ITGAE: variants seen among roughly 807,000 people sequenced by gnomAD.
ITGAE encodes integrin subunit alpha E.
ITGAE carries 99 observed loss-of-function variants against 136.5 expected under a neutral mutation model. That is an observed-to-expected ratio of 0.73 (90% CI 0.62 to 0.86). The LOEUF (loss-of-function observed/expected upper bound fraction) is 0.86, where lower values mean the gene tolerates loss of function less well. Among genes scored for constraint, ITGAE ranks in the 40% least tolerant of loss-of-function variants. ITGAE has a pLI of 0.00. For missense variants in ITGAE, 1,447 were observed against 1,515.3 expected (o/e 0.95, Z 0.75); for synonymous variants, 613 against 591.8 (o/e 1.04, Z -0.52).
At chr17:3,735,766 C>T (rs989045786) in intron 20 of ITGAE, among the ~76,000 whole-genome samples, 5 of 152,222 alleles carry the variant, frequency 3.3e-5, no homozygotes, top group African/African-American at 1.2e-4. Context: ...TTATTTAGTG[C>T]TTACCATGTG....
intron 1 of ITGAE, chr17:3,784,454 G>A: frequency 3.4e-5 from 6 of 177,464 alleles, no homozygotes; most frequent in Non-Finnish European, 7.1e-5. Context: ...GAGTGCAGTG[G>A]TGCAATCTTG....
intron 1 of ITGAE, among the ~76,000 whole-genome samples, chr17:3,779,611 G>A (rs755154199): frequency 2.0e-5 from 3 of 152,144 alleles, no homozygotes; most frequent in Admixed American, 1.3e-4. Context: ...TTACAGGTGT[G>A]AGCCACCACA....
At chr17:3,749,378 G>A (rs1385571601) in intron 16 of ITGAE, among the ~76,000 whole-genome samples, 1 of 151,824 alleles carries the variant, frequency 6.6e-6, no homozygotes, top group Non-Finnish European at 1.5e-5. Context: ...TCAGCCTCCC[G>A]AGTCGCTGGG....
At position 3,745,295 on chromosome 17, in the gene ITGAE, C is replaced by T. The variant is rs114247768; in HGVS notation, c.2319+469G>A. ...GAGTTATTACCAAGAAAAACGTCAG[C>T]AATGACAGCATCTCCATCTTCCGTG... is the stretch of plus-strand genomic sequence containing the variant. On this transcript the variant is annotated intron_variant, in intron 18 of 30. Coordinates refer to ENST00000263087, the MANE Select transcript of ITGAE (RefSeq NM_002208.5). Among the ~76,000 whole-genome samples, 802 of 152,248 alleles carry T rather than the reference C, an allele frequency of 5.3e-3. 7 individuals are homozygous for T. Among genetic ancestry groups the T allele is most frequent in the African/African-American group, 0.018 (751 of 41,552 alleles).
intron 1 of ITGAE, among the ~76,000 whole-genome samples, chr17:3,779,241 AAAG>A (rs1567552969): frequency 1.3e-5 from 2 of 152,220 alleles, no homozygotes; most frequent in African/African-American, 2.4e-5. Context: ...ATATTACCTT[AAAG>A]AAGAAGCACA....
chr17:3,751,421 G>T (rs1024558881), intron 15 of ITGAE, among the ~76,000 whole-genome samples: 2 of 151,912 alleles, frequency 1.3e-5, no homozygotes, highest in African/African-American at 4.8e-5. Context: ...ACCTGAAGGG[G>T]CCGAGGTGAA....
chr17:3,801,034 C>A, intron 1 of ITGAE, 77 bp downstream of exon 1: 2 of 1,517,342 alleles, frequency 1.3e-6, no homozygotes, highest in South Asian at 2.2e-5. Flanking sequence ...GACAGACAGT[C>A]AAGGCTGTAG....
chr17:3,718,009 TAA>T (rs2050975116), intron 29 of ITGAE: 1 of 152,250 alleles, frequency 6.6e-6, no homozygotes, highest in Non-Finnish European at 1.5e-5. Context: ...TATCTTCTTC[TAA>T]ACCCACAGAT....
At position 3,716,702 on chromosome 17, in the gene ITGAE, C is replaced by A. The variant is rs1394113022; in HGVS notation, c.3430G>T (p.Val1144Phe). Residue 1144 changes from valine (V) to phenylalanine (F), a missense_variant, in exon 30 of 31, where the codon GTC becomes TTC. Transcript: ENST00000263087. ...GTAGAACTGACCTTGAACAGGATGA[C>A]CAGAATCACGATCAACACCAGAAGT... ...GGLLVLIVIL[V>F]ILFKCGFFKR... is the part of the protein sequence containing the mutation. 1.3e-6 allele frequency: 2 copies of A among 1,595,884 alleles called. No homozygotes were observed. The highest frequency in any genetic ancestry group is 1.1e-5 in the South Asian group (1 of 90,704).
At position 3,720,342 on chromosome 17, in the gene ITGAE, A is replaced by G; in HGVS notation, c.3298T>C (p.Tyr1100His). 2 of 1,591,266 alleles carry G rather than the reference A, an allele frequency of 1.3e-6. No homozygotes were observed. The highest frequency in any genetic ancestry group is 4.5e-5 in the East Asian group (2 of 44,792). Reference sequence around the variant, plus strand: ...TGGTTCTCTGCATTCAGTCCCTCATATAGAGATTTGTTGAAAGATATTTCA... The same window carrying G: ...TGGTTCTCTGCATTCAGTCCCTCATGTAGAGATTTGTTGAAAGATATTTCA... ...LGEISFNKSL[Y>H]EGLNAENHRT... is the part of the protein sequence containing the mutation. The change falls in exon 29 of 31, where the codon TAT becomes CAT. Residue 1100 changes from tyrosine to histidine, a missense_variant. Around this residue, in one of 3 missense-constraint regions of ITGAE, gnomAD observed 1,031 missense variants for 1,011.4 expected, o/e 1.02. Transcript: ENST00000263087.
chr17:3,780,411 C>T (rs1354151449), intron 1 of ITGAE, among the ~76,000 whole-genome samples: 1 of 152,096 alleles, frequency 6.6e-6, no homozygotes, highest in East Asian at 1.9e-4. Flanking sequence ...GATCCGCCCA[C>T]CTCGGCCTCC....
intron 20 of ITGAE, among the ~76,000 whole-genome samples, chr17:3,736,835 C>T (rs2051468631): frequency 6.6e-6 from 1 of 152,010 alleles, no homozygotes; most frequent in Non-Finnish European, 1.5e-5. Context: ...GCCACCACGC[C>T]CGGCCTAGGA....
rs36098243 is a variant in ITGAE at position 3,771,096 on chromosome 17, TA to T, written c.155+6443del. Among the ~76,000 whole-genome samples the T allele has an allele frequency of 7.0e-3, 1,007 of 144,292 alleles. 18 individuals carry two copies. The highest frequency in any genetic ancestry group is 0.047 in the Admixed American group (678 of 14,434). 94.7% of individuals were successfully genotyped at this position (144,292 alleles called of 152,430 possible). On this transcript the variant is annotated intron_variant, in intron 2 of 30. Transcript: ENST00000263087. ...TTCTTTGGGATCAACTCTGAGGGAT[TA>T]AAAAAAAAAAAGAACATTCATCCAT... is the stretch of plus-strand genomic sequence containing the variant.
At chr17:3,770,860 C>G (rs1318413206) in intron 2 of ITGAE, among the ~76,000 whole-genome samples, 1 of 152,116 alleles carries the variant, frequency 6.6e-6, no homozygotes, top group Non-Finnish European at 1.5e-5. Flanking sequence ...GAGAGAGGGG[C>G]TGTGAATGTC....
In ITGAE at chr17:3,729,541, C is replaced by G. The variant is rs1421855515; in HGVS notation, c.2849G>C (p.Arg950Pro). 1 of 1,600,222 alleles carries G rather than the reference C, an allele frequency of 6.2e-7. No individual in the cohort carries two copies. Among genetic ancestry groups the G allele is most frequent in the African/African-American group, 1.3e-5 (1 of 74,102 alleles). ...TVTVTNSNER[R>P]SLANETHTLQ... Reference sequence around the variant, plus strand: ...GGTGTGGGTCTCGTTGGCCAAAGACCGTCTTTCATTGGAACTAGGAATAAG... The same window carrying G: ...GGTGTGGGTCTCGTTGGCCAAAGACGGTCTTTCATTGGAACTAGGAATAAG... Residue 950 changes from arginine (R) to proline (P), a missense_variant, in exon 24 of 31, where the codon CGG becomes CCG. Physicochemically the swap from Arg to Pro is moderately radical, Grantham distance 103 (BLOSUM62 -2). Coordinates refer to ENST00000263087, the MANE Select transcript of ITGAE (RefSeq NM_002208.5).
At chr17:3,762,840 C>G (rs1202554733) in intron 3 of ITGAE, among the ~76,000 whole-genome samples, 1 of 151,532 alleles carries the variant, frequency 6.6e-6, no homozygotes. Context: ...GACCCATGAT[C>G]GGCCCACCTC....
chr17:3,754,332 C>T (rs2051948236), intron 12 of ITGAE, among the ~76,000 whole-genome samples: 1 of 152,118 alleles, frequency 6.6e-6, no homozygotes, highest in South Asian at 2.1e-4. Flanking sequence ...AGTGCAGTGG[C>T]ACAGTCTTGG....
intron 19 of ITGAE, among the ~76,000 whole-genome samples, chr17:3,740,428 G>A (rs2051557243): frequency 6.6e-6 from 1 of 152,218 alleles, no homozygotes; most frequent in Non-Finnish European, 1.5e-5. Context: ...CCAGGCTGGA[G>A]TGCAATGGCG....
chr17:3,729,783 T>TG (rs774128365), intron 23 of ITGAE: 8 of 422,526 alleles, frequency 1.9e-5, no homozygotes, highest in Non-Finnish European at 3.2e-5. Context: ...TTAGTAGAGA[T>TG]GGGGTTTCAC....
Sources: allele counts gnomAD v4.1 joint callset (sites outside exome capture counted in the v4.1 genomes callset), GRCh38; gene constraint gnomAD v4.1.1; regional missense constraint gnomAD v4.1.1; transcripts MANE v1.5; gene names NCBI Gene and HGNC (gene_info 2026-07-23, HGNC 2026-07-21).